ACAN: variants seen among roughly 807,000 people sequenced by gnomAD.
The protein encoded by ACAN is aggrecan, also known as aggrecan core protein.
ACAN carries 47 observed loss-of-function variants against 169.1 expected under a neutral mutation model. The observed-to-expected ratio is 0.28, with a 90% confidence interval of 0.22 to 0.35. The LOEUF (loss-of-function observed/expected upper bound fraction) is 0.35, where lower values mean the gene tolerates loss of function less well. Ranked by LOEUF, ACAN falls within the 10% of genes least tolerant of loss-of-function variation. ACAN has a pLI of 1.00. For missense variants in ACAN, 2,716 were observed against 2,759.9 expected, an observed-to-expected ratio of 0.98 and a Z score of 0.36; for synonymous variants, 1,115 against 1,112.2, an observed-to-expected ratio of 1.00 and a Z score of -0.05.
chr15:88,867,514 G>A (rs541212929), intron 13 of ACAN, among the ~76,000 whole-genome samples: 2 of 152,278 alleles, frequency 1.3e-5, no homozygotes, highest in East Asian at 3.9e-4. Flanking sequence ...AGATTATATG[G>A]GGAAATGTTG....
chr15:88,841,662 GA>G, intron 4 of ACAN, 77 bp from the exon 5 acceptor site: 1 of 1,565,824 alleles, frequency 6.4e-7, no homozygotes, highest in African/African-American at 1.4e-5. Context: ...CCTCCCACGG[GA>G]GGAGGATTCA....
rs57723388 is a variant in ACAN, at chr15:88,872,813, GAC to G, written c.7303-66_7303-65del. ...GATGATGAAGAGGCTCCACGGGGAAGACAGTCGGAGCAGGCCAACCCGCACTG... is the reference window on the plus strand; with the variant it reads ...GATGATGAAGAGGCTCCACGGGGAAGAGTCGGAGCAGGCCAACCCGCACTG... On this transcript the variant is annotated intron_variant, in intron 16 of 18. Transcript: ENST00000560601. The surrounding 1 kb of genome is among the most constrained non-coding windows in gnomAD (Gnocchi z 5.4). 14 of 1,545,414 alleles carry G rather than the reference GAC, an allele frequency of 9.1e-6. No homozygotes were observed. The East Asian group carries it at 3.2e-4, about 35-fold the overall frequency.
intron 1 of ACAN, among the ~76,000 whole-genome samples, chr15:88,810,796 G>A (rs192974896): frequency 6.6e-6 from 1 of 152,158 alleles, no homozygotes; most frequent in African/African-American, 2.4e-5. Flanking sequence ...AGTGAGATGG[G>A]GGCTTGGAGG....
At chr15:88,845,194 A>G (rs979633706) in intron 6 of ACAN, among the ~76,000 whole-genome samples, 21 of 152,254 alleles carry the variant, frequency 1.4e-4, no homozygotes, top group Admixed American at 9.2e-4. Context: ...CGAGTGAAGC[A>G]GCAGCTGTGT....
chr15:88,815,986 C>G (rs146815028), intron 1 of ACAN, among the ~76,000 whole-genome samples: 10 of 152,316 alleles, frequency 6.6e-5, no homozygotes, highest in Non-Finnish European at 1.5e-4. Context: ...TTCCTTGCCC[C>G]TTCCTGGCTT....
In ACAN at chr15:88,807,138, G is replaced by A. The variant is rs1163374971; in HGVS notation, c.-8+3329G>A. ...GTGCTGGGGCATCCTTGCTGCCACT[G>A]CACCAAGTGCTGGGGAGTCAAGGCA... On this transcript the variant is annotated intron_variant, in intron 1 of 18. Transcript: ENST00000560601. This position sits in a 1 kb window ranked among gnomAD's most constrained non-coding sequence, Gnocchi z 4.0. Among the ~76,000 whole-genome samples, 1 of 152,122 alleles carries A rather than the reference G, an allele frequency of 6.6e-6. No homozygotes were observed. Among genetic ancestry groups the A allele is most frequent in the East Asian group, 1.9e-4 (1 of 5,198 alleles).
chr15:88,835,576 G>A (rs557386045), intron 1 of ACAN, among the ~76,000 whole-genome samples: 6 of 152,212 alleles, frequency 3.9e-5, no homozygotes, highest in Non-Finnish European at 8.8e-5. Context: ...AGACCTAAAT[G>A]AAATGATTGG....
rs1897334532 is a variant in ACAN at position 88,869,511 on chromosome 15, T to C, written c.7060+1182T>C. On this transcript the variant is annotated intron_variant, in intron 14 of 18. Coordinates refer to ENST00000560601, the MANE Select transcript of ACAN (RefSeq NM_001369268.1). The surrounding 1 kb of genome is among the most constrained non-coding windows in gnomAD (Gnocchi z 4.2). ...ACCCCAAGACCCCAAGAAATTGGTA[T>C]ATGGGGTCTTGGCTGGGGTGGAAGC... 6.6e-6 allele frequency among the ~76,000 whole-genome samples: 1 copy of C among 152,160 alleles called. No homozygotes were observed. The highest frequency in any genetic ancestry group is 1.5e-5 in the Non-Finnish European group (1 of 68,012).
intron 1 of ACAN, among the ~76,000 whole-genome samples, chr15:88,813,992 A>C (rs866735083): frequency 1.3e-5 from 2 of 152,192 alleles, no homozygotes; most frequent in Non-Finnish European, 2.9e-5. Context: ...CTACATATTT[A>C]TTCCTAGTTC....
Position 88,866,403 on chromosome 15 carries a change from GCT to G in ACAN, c.6947-1812_6947-1811del, listed in dbSNP as rs1897281187. 2.0e-5 allele frequency among the ~76,000 whole-genome samples: 3 copies of G among 152,158 alleles called. No homozygotes were observed. Among genetic ancestry groups the G allele is most frequent in the Non-Finnish European group, 2.9e-5 (2 of 68,032 alleles). ...AGAACAGGCAGGAGAGCCGCCCCCA[GCT>G]TCCGCCCTGCCGACTGGCCTGACCT... is the stretch of plus-strand genomic sequence containing the variant. On this transcript the variant is annotated intron_variant, in intron 13 of 18. Coordinates refer to ENST00000560601, the MANE Select transcript of ACAN (RefSeq NM_001369268.1). The surrounding 1 kb of genome is among the most constrained non-coding windows in gnomAD (Gnocchi z 5.6).
rs1896076266 is a variant in ACAN, at chr15:88,821,549, C to T, written c.-7-14651C>T. Among the ~76,000 whole-genome samples, 3 of 152,192 alleles carry T rather than the reference C, an allele frequency of 2.0e-5. No homozygotes were observed. The South Asian group carries it at 6.2e-4, about 31-fold the overall frequency. Reference sequence around the variant, plus strand: ...TCCCTGTCAGCACCTGCTACAGAGTCTTCCATATGGTGAGTGTTTGACAGA... The same window carrying T: ...TCCCTGTCAGCACCTGCTACAGAGTTTTCCATATGGTGAGTGTTTGACAGA... On this transcript the variant is annotated intron_variant, in intron 1 of 18. Coordinates refer to ENST00000560601, the MANE Select transcript of ACAN (RefSeq NM_001369268.1).
intron 8 of ACAN, 128 bp from the exon 9 acceptor site, chr15:88,847,783 G>GT (rs1896831518): frequency 8.0e-7 from 1 of 1,254,240 alleles, no homozygotes; most frequent in Non-Finnish European, 1.1e-6. Context: ...CTTTTTCCTG[G>GT]TTTGAATACC....
At chr15:88,842,011 G>A in intron 5 of ACAN, 144 bp downstream of exon 5, 3 of 1,140,198 alleles carry the variant, frequency 2.6e-6, no homozygotes, top group Non-Finnish European at 3.7e-6. Flanking sequence ...ATGAAGGGAG[G>A]TGGGCTGAGG....
In ACAN at chr15:88,841,150, AT is replaced by A. The variant is rs374336379; in HGVS notation, c.630-589del. Among the ~76,000 whole-genome samples, 910 of 152,380 alleles carry A rather than the reference AT, an allele frequency of 6.0e-3. 10 individuals carry two copies. The highest frequency in any genetic ancestry group is 0.021 in the African/African-American group (870 of 41,586). ...ACAGAGCGAGACTCCGTCTCAAAAA[AT>A]AAAAGAACTGTACTCAAATTCCAGC... On this transcript the variant is annotated intron_variant, in intron 4 of 18. Transcript: ENST00000560601.
intron 1 of ACAN, among the ~76,000 whole-genome samples, chr15:88,820,104 A>C (rs1288573207): frequency 2.0e-5 from 3 of 152,226 alleles, no homozygotes; most frequent in Middle Eastern, 3.2e-3. Flanking sequence ...TATGTTCAAA[A>C]TGCTGCTGGG....
intron 13 of ACAN, among the ~76,000 whole-genome samples, chr15:88,865,341 C>A (rs1418099999): frequency 6.6e-6 from 1 of 152,204 alleles, no homozygotes; most frequent in African/African-American, 2.4e-5. Context: ...AACTTCCAGT[C>A]TCATTTCCTG....
Position 88,849,458 on chromosome 15 carries a change from C to T in ACAN, c.1753C>T (p.Arg585Cys), listed in dbSNP as rs144501729. 19 of 1,596,502 alleles carry T rather than the reference C, an allele frequency of 1.2e-5. No homozygotes were observed. The African/African-American group carries it at 1.7e-4, about 15-fold the overall frequency. Residue 585 changes from arginine to cysteine, a missense_variant, in exon 10 of 19, where the codon CGC (arginine) becomes TGC (cysteine). Physicochemically the swap from Arg to Cys is radical, Grantham distance 180. Transcript: ENST00000560601. The surrounding 1 kb of genome is among the most constrained non-coding windows in gnomAD (Gnocchi z 5.1). ...CCCAGGGGAGGTGTTCTTCGCCACA[C>T]GCCTTGAGCAGTTCACCTTCCAGGA... ...RLEGEVFFAT[R>C]LEQFTFQEAL...
At chr15:88,853,845 C>CAT (rs1555455482) in intron 11 of ACAN, among the ~76,000 whole-genome samples, 1 of 143,714 alleles carries the variant, frequency 7.0e-6, no homozygotes, top group Non-Finnish European at 1.5e-5. Flanking sequence ...GCCCAGCTAA[C>CAT]TTTTTTTTTT....
rs781678075 is a variant in ACAN at position 88,874,554 on chromosome 15, G to A, written c.*73G>A. The A allele has an allele frequency of 7.4e-5, 99 of 1,338,762 alleles. No individual in the cohort carries two copies. Among genetic ancestry groups the A allele is most frequent in the South Asian group, 1.4e-4 (11 of 79,762 alleles). The allele number at this position is 1,338,762 out of a possible 1,614,324, so 82.9% of individuals were successfully genotyped here. A position where few individuals can be genotyped will look rare whatever the true frequency, so the allele number is the denominator to read the frequency against. On this transcript the variant is annotated 3_prime_UTR_variant, in exon 19 of 19. Coordinates refer to ENST00000560601, the MANE Select transcript of ACAN (RefSeq NM_001369268.1). This position sits in a 1 kb window ranked among gnomAD's most constrained non-coding sequence, Gnocchi z 7.3. ...AGGCTGACGTGCATCCCACCCAGAC[G>A]GTGTCCTCTTCTTGTCGCTTTTTGT... is the stretch of plus-strand genomic sequence containing the variant.
Sources: gnomAD v4.1 joint callset for allele counts (sites outside exome capture counted in the v4.1 genomes callset) on GRCh38, gnomAD v4.1.1 for gene constraint, Gnocchi (gnomAD v3.1) non-coding constraint, MANE v1.5 for transcripts, NCBI Gene and HGNC (gene_info 2026-07-23, HGNC 2026-07-21) for gene names.